TACC2: variants seen among roughly 807,000 people sequenced by gnomAD.
The protein encoded by TACC2 is transforming acidic coiled-coil-containing protein 2.
In TACC2, 137 loss-of-function variants were observed where a neutral mutation model predicts 227.3. The ratio of observed to expected loss-of-function variants is 0.60; its 90% CI spans 0.52 to 0.69. TACC2 has a LOEUF of 0.69. Ranked by LOEUF, TACC2 falls within the 30% of genes least tolerant of loss-of-function variation. The pLI, the probability that TACC2 is intolerant of heterozygous loss-of-function variation, is 0.00. For missense variants in TACC2, 3,470 were observed against 3,694.4 expected (o/e 0.94, Z 1.57); for synonymous variants, 1,523 against 1,487.5 (o/e 1.02, Z -0.55).
chr10:122,076,563 G>T (rs2078834317), intron 3 of TACC2, among the ~76,000 whole-genome samples: 1 of 152,120 alleles, frequency 6.6e-6, no homozygotes, highest in South Asian at 2.1e-4. Context: ...AGTAATTTAT[G>T]AAAATAACAA....
At chr10:122,138,151 A>C (rs549950255) in intron 6 of TACC2, among the ~76,000 whole-genome samples, 10 of 151,668 alleles carry the variant, frequency 6.6e-5, no homozygotes, top group Admixed American at 6.6e-5. Flanking sequence ...ATGGGTATGC[A>C]TAAGTGAGTT....
rs1490657106 is a variant in TACC2 at position 122,091,801 on chromosome 10, T to C, written c.5573+3210T>C. Among the ~76,000 whole-genome samples, 6 of 152,302 alleles carry C rather than the reference T, an allele frequency of 3.9e-5. No homozygotes were observed. The East Asian group carries it at 1.2e-3, about 29-fold the overall frequency. ...TTGAAGGTGAAAATCAGCAGCGGTC[T>C]TGGGGAGGCTGGGTGACCAGACTTC... On this transcript the variant is annotated intron_variant, in intron 5 of 22. Transcript: ENST00000369005.
At chr10:122,047,288 CAAAAAAAAAAAAAAAAA>C (rs371181114) in intron 2 of TACC2, among the ~76,000 whole-genome samples, 1 of 60,868 alleles carries the variant, frequency 1.6e-5, no homozygotes, top group Non-Finnish European at 2.8e-5. Flanking sequence ...GACTCCGTCT[CAAAAAAAAAAAAAAAAA>C]AAAAAAAAAA....
intron 17 of TACC2, 102 bp from the exon 18 acceptor site, chr10:122,237,859 A>G: frequency 2.3e-6 from 2 of 883,912 alleles, no homozygotes; most frequent in Non-Finnish European, 1.8e-6. Flanking sequence ...GGAAGTTTTC[A>G]TTCCACATTT....
At chr10:121,990,117 G>A (rs1036655625) in intron 1 of TACC2, among the ~76,000 whole-genome samples, 1 of 151,300 alleles carries the variant, frequency 6.6e-6, no homozygotes, top group Admixed American at 6.6e-5. Context: ...ACCTTCTGTG[G>A]ATTTTTTTTT....
chr10:122,229,848 A>G (rs1272671970), intron 15 of TACC2, among the ~76,000 whole-genome samples: 1 of 152,056 alleles, frequency 6.6e-6, no homozygotes, highest in Non-Finnish European at 1.5e-5. Context: ...GCTATCTCAG[A>G]CTCCCAGTGA....
At chr10:122,070,636 C>T (rs1021995405) in intron 3 of TACC2, among the ~76,000 whole-genome samples, 1 of 151,854 alleles carries the variant, frequency 6.6e-6, no homozygotes, top group African/African-American at 2.4e-5. Flanking sequence ...GCCTGTAATC[C>T]CAGCTACTTG....
chr10:121,998,347 T>G (rs1187707465), intron 1 of TACC2, among the ~76,000 whole-genome samples: 1 of 151,378 alleles, frequency 6.6e-6, no homozygotes, highest in Non-Finnish European at 1.5e-5. Flanking sequence ...GACTCCTTTT[T>G]GGGGGCCTGT....
At chr10:122,081,744 T>C (rs1156380450) in intron 3 of TACC2, among the ~76,000 whole-genome samples, 1 of 152,064 alleles carries the variant, frequency 6.6e-6, no homozygotes, top group East Asian at 1.9e-4. Flanking sequence ...CAAATATGGG[T>C]ATGAAGGTGA....
chr10:122,206,686 C>G (rs1217654250), intron 8 of TACC2, among the ~76,000 whole-genome samples: 1 of 152,192 alleles, frequency 6.6e-6, no homozygotes, highest in Non-Finnish European at 1.5e-5. Context: ...CCCTAGTGAC[C>G]CTTTTCATCT....
intron 5 of TACC2, among the ~76,000 whole-genome samples, chr10:122,099,463 C>T (rs1185861219): frequency 2.0e-5 from 3 of 152,194 alleles, no homozygotes; most frequent in African/African-American, 7.2e-5. Context: ...CATTCATAGT[C>T]ATTCATAGTC....
rs1477966356 is a variant in TACC2, at chr10:122,143,034, G to A, written c.5700-538G>A. On this transcript the variant is annotated intron_variant, in intron 6 of 22. Coordinates refer to ENST00000369005, the MANE Select transcript of TACC2 (RefSeq NM_206862.4). ...GTTCCCTACTCGAGGGCCACACTCC[G>A]TCTCTGAAACTCATTCCTCCCCCAG... 2.6e-5 allele frequency among the ~76,000 whole-genome samples: 4 copies of A among 152,258 alleles called. No individual in the cohort carries two copies. The South Asian group carries it at 6.2e-4, about 24-fold the overall frequency.
intron 1 of TACC2, among the ~76,000 whole-genome samples, chr10:122,013,323 G>A (rs960064471): frequency 2.0e-5 from 3 of 152,210 alleles, no homozygotes; most frequent in African/African-American, 7.2e-5. Flanking sequence ...CAGGTGCTTG[G>A]TGCTGTGAAG....
chr10:122,237,669 C>T (rs919665399), intron 17 of TACC2, 131 bp downstream of exon 17: 5 of 1,194,458 alleles, frequency 4.2e-6, no homozygotes, highest in Admixed American at 5.5e-5. Flanking sequence ...GTGTGGCACA[C>T]CATGCGTTTT....
At position 122,241,640 on chromosome 10, in the gene TACC2, G is replaced by A. The variant is rs1370258663; in HGVS notation, c.8349-318G>A. ...GCAGGATCTGGCTGTGTTGCCCAAG[G>A]TGGTCTCAAAATCCTAGCCTTAAGT... On this transcript the variant is annotated intron_variant, in intron 18 of 22. Coordinates refer to ENST00000369005, the MANE Select transcript of TACC2 (RefSeq NM_206862.4). 9.6e-6 allele frequency: 4 copies of A among 416,722 alleles called. No homozygotes were observed. In the Admixed American group the frequency reaches 1.4e-4, roughly 15 times the overall value. 25.8% of individuals were successfully genotyped at this position (416,722 alleles called of 1,614,324 possible). A position where few individuals can be genotyped will look rare whatever the true frequency, so the allele number is the denominator to read the frequency against.
Sources: gnomAD v4.1 joint callset for allele counts (sites outside exome capture counted in the v4.1 genomes callset) on GRCh38, gnomAD v4.1.1 for gene constraint, MANE v1.5 for transcripts, NCBI Gene and HGNC (gene_info 2026-07-23, HGNC 2026-07-21) for gene names.